The following DPP6 variants were observed in gnomAD, a reference collection of about 807,000 sequenced individuals.
DPP6 encodes dipeptidyl peptidase like 6, also known as A-type potassium channel modulatory protein DPP6.
Under a neutral mutation model 122.6 loss-of-function variants are expected in DPP6, and 69 were observed. The observed-to-expected ratio is 0.56, with a 90% CI of 0.46 to 0.69. DPP6 has a LOEUF of 0.69. DPP6 is among the 30% of genes least tolerant of loss of function. DPP6 has a pLI of 0.00. For missense variants in DPP6, 928 were observed against 1,116.9 expected, an observed-to-expected ratio of 0.83 and a Z score of 2.41; for synonymous variants, 418 against 433.1, an observed-to-expected ratio of 0.97 and a Z score of 0.43.
intron 8 of DPP6, among the ~76,000 whole-genome samples, chr7:154,729,909 A>T (rs13225744): frequency 6.6e-6 from 1 of 152,078 alleles, no homozygotes; most frequent in Admixed American, 6.5e-5. Flanking sequence ...TGCTGTAGTT[A>T]TGCCTGTTCT....
chr7:154,862,602 C>T lies in DPP6; in HGVS notation c.1715-5393C>T, dbSNP rs115016555. ...CTAATGCGGGAGGAGAGCTGGGCTT[C>T]GCTGCCACCCAGCAGCTCTCGGTGC... On this transcript the variant is annotated intron_variant, in intron 17 of 25. Transcript: ENST00000377770. Among the ~76,000 whole-genome samples the T allele has an allele frequency of 4.0e-3, 616 of 152,284 alleles. 5 individuals carry two copies. The highest frequency in any genetic ancestry group is 0.014 in the African/African-American group (574 of 41,562).
chr7:154,011,293 A>G (rs1234537854), intron 1 of DPP6, among the ~76,000 whole-genome samples: 2 of 152,228 alleles, frequency 1.3e-5, no homozygotes, highest in African/African-American at 4.8e-5. Flanking sequence ...AAATGATTGC[A>G]TGAAGCCTCA....
chr7:154,728,466 A>C (rs1326955577), intron 8 of DPP6, among the ~76,000 whole-genome samples: 2 of 152,070 alleles, frequency 1.3e-5, no homozygotes, highest in Non-Finnish European at 1.5e-5. Flanking sequence ...TCAGAGGGGG[A>C]AGCTCTCTTC....
chr7:154,241,219 GTA>G lies in DPP6; in HGVS notation c.243+188167_243+188168del, dbSNP rs796798929. On this transcript the variant is annotated intron_variant, in intron 1 of 25. Coordinates refer to ENST00000377770, the MANE Select transcript of DPP6 (RefSeq NM_130797.4). The surrounding 1 kb of genome is among the most constrained non-coding windows in gnomAD (Gnocchi z 9.0). ...TGTGTGTGTGTGTGTGTGTGTGTGT[GTA>G]TATATATATAGAGAGAGAGAGAGAC... is the stretch of plus-strand genomic sequence containing the variant. 4.1e-3 allele frequency among the ~76,000 whole-genome samples: 588 copies of G among 142,804 alleles called. 11 individuals are homozygous for G. The highest frequency in any genetic ancestry group is 0.013 in the East Asian group (64 of 4,988). 93.7% of individuals were successfully genotyped at this position (142,804 alleles called of 152,430 possible). A position where few individuals can be genotyped will look rare whatever the true frequency, so the allele number is the denominator to read the frequency against.
chr7:154,455,615 C>T (rs758752199), intron 2 of DPP6, among the ~76,000 whole-genome samples: 1 of 152,112 alleles, frequency 6.6e-6, no homozygotes. Flanking sequence ...TCGCTGGGAC[C>T]ATCTTAACCG....
chr7:154,285,218 T>C (rs2150956625), intron 1 of DPP6, among the ~76,000 whole-genome samples: 1 of 152,342 alleles, frequency 6.6e-6, no homozygotes, highest in Non-Finnish European at 1.5e-5. Flanking sequence ...ATACACTGAA[T>C]TAAAACTGCT....
In DPP6 at chr7:154,182,253, C is replaced by T. The variant is rs372578961; in HGVS notation, c.243+129190C>T. On this transcript the variant is annotated intron_variant, in intron 1 of 25. Transcript: ENST00000377770. ...TGCTAAGGGGGACAGAAATTAAGGC[C>T]ATAACTCTACAAATTGTAACCACCA... Among the ~76,000 whole-genome samples the T allele has an allele frequency of 2.0e-5, 3 of 152,136 alleles. No homozygotes were observed. The East Asian group carries it at 5.8e-4, about 29-fold the overall frequency.
At chr7:154,322,671 A>C (rs1808080191) in intron 1 of DPP6, among the ~76,000 whole-genome samples, 1 of 152,078 alleles carries the variant, frequency 6.6e-6, no homozygotes, top group Non-Finnish European at 1.5e-5. Flanking sequence ...CATTTCCTCG[A>C]CTCTAGCAAA....
chr7:154,837,577 T>C (rs947989749), intron 16 of DPP6, among the ~76,000 whole-genome samples: 1 of 152,096 alleles, frequency 6.6e-6, no homozygotes, highest in African/African-American at 2.4e-5. Flanking sequence ...TGGGAGTATT[T>C]TTCTGTCCCT....
At chr7:154,492,773 A>C (rs1824394126) in intron 3 of DPP6, among the ~76,000 whole-genome samples, 1 of 152,130 alleles carries the variant, frequency 6.6e-6, no homozygotes, top group Admixed American at 6.5e-5. Flanking sequence ...TGGACCCTAC[A>C]CCATCCTACA....
chr7:154,478,330 C>G (rs57448624), intron 3 of DPP6, among the ~76,000 whole-genome samples: 57,886 of 151,560 alleles, frequency 0.38, 11,806 homozygotes, highest in African/African-American at 0.51. Context: ...GGCCCAAAAG[C>G]GGTGAGCGAT....
intron 1 of DPP6, among the ~76,000 whole-genome samples, chr7:154,431,973 G>C (rs1818465913): frequency 6.6e-6 from 1 of 152,018 alleles, no homozygotes; most frequent in African/African-American, 2.4e-5. Flanking sequence ...GGGTGCATCT[G>C]TTCCTGTGCC....
the DPP6 span, among the ~76,000 whole-genome samples, chr7:153,818,954 G>A: frequency 4.6e-5 from 7 of 150,672 alleles, no homozygotes; most frequent in African/African-American, 1.5e-4. Flanking sequence ...GTTTCACCAC[G>A]TTGGCAAGGC....
At chr7:154,134,756 AC>A (rs756165769) in intron 1 of DPP6, among the ~76,000 whole-genome samples, 6 of 151,588 alleles carry the variant, frequency 4.0e-5, no homozygotes, top group South Asian at 2.1e-4. Context: ...GTGAGTGAAC[AC>A]CTCCTATGAG....
chr7:154,070,417 A>T (rs1400860778), intron 1 of DPP6, among the ~76,000 whole-genome samples: 1 of 152,172 alleles, frequency 6.6e-6, no homozygotes, highest in Non-Finnish European at 1.5e-5. Context: ...GTTGTGATGC[A>T]TCTATTATTT....
chr7:154,819,001 C>G (rs1035630148), intron 16 of DPP6, among the ~76,000 whole-genome samples: 7 of 152,238 alleles, frequency 4.6e-5, no homozygotes, highest in African/African-American at 1.7e-4. Flanking sequence ...AAGCTTCTCA[C>G]TTTGCCACTC....
intron 2 of DPP6, among the ~76,000 whole-genome samples, chr7:154,472,163 A>G (rs1822332653): frequency 6.6e-6 from 1 of 152,222 alleles, no homozygotes; most frequent in African/African-American, 2.4e-5. Flanking sequence ...GTGAAGAAAA[A>G]TAGTCTTTAA....
chr7:154,309,986 G>C (rs191519023), intron 1 of DPP6, among the ~76,000 whole-genome samples: 3 of 152,222 alleles, frequency 2.0e-5, no homozygotes, highest in Admixed American at 6.5e-5. Context: ...AGGGACACCA[G>C]GTTCTTAGGA....
chr7:154,334,769 A>G (rs1005337215), intron 1 of DPP6, among the ~76,000 whole-genome samples: 2 of 152,068 alleles, frequency 1.3e-5, no homozygotes, highest in African/African-American at 4.8e-5. Context: ...GGTGGCACGC[A>G]CCTGTAGTCC....
Sources: gnomAD v4.1 joint callset for allele counts (sites outside exome capture counted in the v4.1 genomes callset) on GRCh38, gnomAD v4.1.1 for gene constraint, Gnocchi (gnomAD v3.1) non-coding constraint, MANE v1.5 for transcripts, NCBI Gene and HGNC (gene_info 2026-07-23, HGNC 2026-07-21) for gene names.